The following CAMK2D variants were observed in gnomAD, a reference collection of about 807,000 sequenced individuals.
CAMK2D encodes calcium/calmodulin-dependent protein kinase type II subunit delta.
Under a neutral mutation model 84.0 loss-of-function variants are expected in CAMK2D, and 37 were observed. The ratio of observed to expected loss-of-function variants is 0.44; its 90% CI spans 0.34 to 0.58. The LOEUF (loss-of-function observed/expected upper bound fraction) is 0.58, where lower values mean the gene tolerates loss of function less well. Ranked by LOEUF, CAMK2D falls within the 20% of genes least tolerant of loss-of-function variation. CAMK2D has a pLI of 0.02. For synonymous variants in CAMK2D, 202 were observed against 212.5 expected, an observed-to-expected ratio of 0.95 and a Z score of 0.43; for missense variants, 448 against 652.5, an observed-to-expected ratio of 0.69 and a Z score of 3.41.
intron 3 of CAMK2D, among the ~76,000 whole-genome samples, chr4:113,650,835 A>T (rs1466575054): frequency 6.6e-6 from 1 of 152,232 alleles, no homozygotes; most frequent in Non-Finnish European, 1.5e-5. Flanking sequence ...GATTCTGCAC[A>T]TGTATTAGTA....
intron 3 of CAMK2D, among the ~76,000 whole-genome samples, chr4:113,620,511 G>GTTT (rs745615702): frequency 2.1e-5 from 3 of 141,878 alleles, no homozygotes; most frequent in Non-Finnish European, 1.6e-5. Context: ...TTTTACAAGA[G>GTTT]TTTTTTTTTT....
intron 16 of CAMK2D, among the ~76,000 whole-genome samples, chr4:113,493,102 C>T (rs1355245265): frequency 1.0e-4 from 15 of 144,470 alleles, no homozygotes; most frequent in Non-Finnish European, 1.7e-4. Context: ...ATCCAATTTG[C>T]CAGTCTGTGT....
At chr4:113,566,383 T>C (rs1411223971) in intron 4 of CAMK2D, among the ~76,000 whole-genome samples, 2 of 152,220 alleles carry the variant, frequency 1.3e-5, no homozygotes, top group Non-Finnish European at 2.9e-5. Context: ...GCCCAAATCA[T>C]TGTCATTTTT....
intron 2 of CAMK2D, chr4:113,677,495 C>A (rs2099323250): frequency 1.4e-6 from 1 of 719,740 alleles, no homozygotes; most frequent in African/African-American, 1.9e-5. Flanking sequence ...ATATCTGATA[C>A]AACTTGGCTT....
intron 2 of CAMK2D, among the ~76,000 whole-genome samples, chr4:113,755,854 T>C (rs1414745669): frequency 1.3e-5 from 2 of 151,968 alleles, no homozygotes; most frequent in Non-Finnish European, 2.9e-5. Flanking sequence ...CTCATGAAAA[T>C]ATAAGGCAAA....
At chr4:113,726,672 C>T (rs1394360482) in intron 2 of CAMK2D, among the ~76,000 whole-genome samples, 1 of 151,984 alleles carries the variant, frequency 6.6e-6, no homozygotes, top group East Asian at 1.9e-4. Flanking sequence ...TCCCAAAGTG[C>T]TGGGATTATA....
At chr4:113,707,709 T>C (rs1016926590) in intron 2 of CAMK2D, among the ~76,000 whole-genome samples, 1 of 152,212 alleles carries the variant, frequency 6.6e-6, no homozygotes, top group Non-Finnish European at 1.5e-5. Context: ...AGTCAATTAC[T>C]CCAAATGATA....
chr4:113,648,227 TC>T (rs1283052571), intron 3 of CAMK2D, among the ~76,000 whole-genome samples: 1 of 152,230 alleles, frequency 6.6e-6, no homozygotes, highest in Non-Finnish European at 1.5e-5. Context: ...TTCCTTTTAT[TC>T]ATCTAGAATA....
At chr4:113,648,966 A>C (rs1305080823) in intron 3 of CAMK2D, among the ~76,000 whole-genome samples, 1 of 152,218 alleles carries the variant, frequency 6.6e-6, no homozygotes, top group African/African-American at 2.4e-5. Context: ...AATTTCTCCC[A>C]ATGTTTTTTC....
chr4:113,699,849 G>C (rs2099412830), intron 2 of CAMK2D, among the ~76,000 whole-genome samples: 1 of 152,088 alleles, frequency 6.6e-6, no homozygotes. Flanking sequence ...ATGAGCAAAA[G>C]ACAGTCATTC....
intron 3 of CAMK2D, among the ~76,000 whole-genome samples, chr4:113,641,269 T>G (rs942956551): frequency 6.6e-6 from 1 of 152,200 alleles, no homozygotes; most frequent in Non-Finnish European, 1.5e-5. Context: ...ACAAATGTAT[T>G]TGAATCCTGG....
chr4:113,511,870 C>G (rs2098219095), intron 12 of CAMK2D, among the ~76,000 whole-genome samples: 1 of 151,990 alleles, frequency 6.6e-6, no homozygotes, highest in Non-Finnish European at 1.5e-5. Flanking sequence ...TTATGGTTTC[C>G]CATTATTTGT....
intron 1 of CAMK2D, among the ~76,000 whole-genome samples, chr4:113,760,322 G>T (rs1350596085): frequency 6.6e-6 from 1 of 152,160 alleles, no homozygotes; most frequent in Non-Finnish European, 1.5e-5. Context: ...TCCGTTGCCT[G>T]TATAAATAAA....
chr4:113,649,625 T>C (rs2099165031), intron 3 of CAMK2D, among the ~76,000 whole-genome samples: 1 of 152,244 alleles, frequency 6.6e-6, no homozygotes, highest in Non-Finnish European at 1.5e-5. Flanking sequence ...CATTATAGTA[T>C]ATAATCACAC....
Position 113,464,996 on chromosome 4 carries a change from C to T in CAMK2D, c.1211+533G>A, listed in dbSNP as rs75374524. Among the ~76,000 whole-genome samples the T allele has an allele frequency of 7.2e-3, 1,090 of 152,226 alleles. 23 individuals are homozygous for T. The highest frequency in any genetic ancestry group is 0.025 in the African/African-American group (1,044 of 41,534). On this transcript the variant is annotated intron_variant, in intron 17 of 20. Coordinates refer to ENST00000511664, the MANE Select transcript of CAMK2D (RefSeq NM_001321571.2). ...GTATATTTACAAAGAAATCTCCAAT[C>T]GTTGGATCAGAAGTCAAGCCTTCTC...
chr4:113,690,835 G>C (rs570935697), intron 2 of CAMK2D, among the ~76,000 whole-genome samples: 34 of 152,246 alleles, frequency 2.2e-4, no homozygotes, highest in African/African-American at 7.2e-4. Flanking sequence ...AAAAATGGCT[G>C]TTCTGTATTT....
chr4:113,480,447 C>A (rs535682969), intron 16 of CAMK2D, among the ~76,000 whole-genome samples: 1 of 152,028 alleles, frequency 6.6e-6, no homozygotes, highest in African/African-American at 2.4e-5. Flanking sequence ...TGAATGTATG[C>A]GTCCCTACAA....
intron 15 of CAMK2D, among the ~76,000 whole-genome samples, chr4:113,502,384 CAAACAACAA>C (rs1305560976): frequency 9.1e-5 from 13 of 142,424 alleles, no homozygotes; most frequent in Non-Finnish European, 1.1e-4. Flanking sequence ...AAATTCATGC[CAAACAACAA>C]CAACAACAAC....
chr4:113,711,724 T>C lies in CAMK2D; in HGVS notation c.160+47596A>G, dbSNP rs150587947. Among the ~76,000 whole-genome samples, 39 of 152,288 alleles carry C rather than the reference T, an allele frequency of 2.6e-4. No homozygotes were observed. The East Asian group carries it at 6.7e-3, about 26-fold the overall frequency. ...CCCTACATTTAACTTATTGAAAACC[T>C]ATCACAGGGCCTTCACTAACTCTCC... On this transcript the variant is annotated intron_variant, in intron 2 of 20. Coordinates refer to ENST00000511664, the MANE Select transcript of CAMK2D (RefSeq NM_001321571.2).
Sources: allele counts gnomAD v4.1 joint callset (sites outside exome capture counted in the v4.1 genomes callset), GRCh38; gene constraint gnomAD v4.1.1; transcripts MANE v1.5; gene names NCBI Gene and HGNC (gene_info 2026-07-23, HGNC 2026-07-21).